The following RTL4 variants were observed in gnomAD, a reference collection of about 807,000 sequenced individuals.
The protein encoded by RTL4 is retrotransposon Gag like 4, also known as retrotransposon Gag-like protein 4.
Under a neutral mutation model 5.3 loss-of-function variants are expected in RTL4, and 4 were observed. The observed-to-expected ratio is 0.75, with a 90% CI of 0.37 to 1.72. RTL4 has a LOEUF of 1.72. Among genes scored for constraint, RTL4 ranks in the 40% most tolerant of loss-of-function variants. RTL4 has a pLI of 0.04. For missense variants in RTL4, 260 were observed against 227.1 expected, an observed-to-expected ratio of 1.14 and a Z score of -0.93; for synonymous variants, 98 against 87.3, an observed-to-expected ratio of 1.12 and a Z score of -0.68.
chrX:112,190,200 C>CTTTCTTTT, the RTL4 span, among the ~76,000 whole-genome samples: 1 of 79,703 alleles, frequency 1.3e-5, no homozygotes, highest in African/African-American at 5.0e-5. Context: ...TTCTTTCTTT[C>CTTTCTTTT]TTTCTTTTTT....
At chrX:112,409,935 G>T in the RTL4 span, among the ~76,000 whole-genome samples, 2 of 101,263 alleles carry the variant, frequency 2.0e-5, no homozygotes, top group Admixed American at 2.1e-4. Flanking sequence ...TAAAGTGGAT[G>T]AATGAATTAA....
At chrX:112,107,355 A>G in the RTL4 span, among the ~76,000 whole-genome samples, 1 of 112,221 alleles carries the variant, frequency 8.9e-6, no homozygotes, top group South Asian at 3.6e-4. Flanking sequence ...TTTTCACACC[A>G]TTATTAGAGT....
the RTL4 span, among the ~76,000 whole-genome samples, chrX:112,384,762 T>C: frequency 8.9e-6 from 1 of 112,030 alleles, no homozygotes; most frequent in Non-Finnish European, 1.9e-5. Context: ...ACTGGTAGCT[T>C]GATGGGACTA....
chrX:112,415,555 A>G, the RTL4 span, among the ~76,000 whole-genome samples: 4 of 111,231 alleles, frequency 3.6e-5, no homozygotes, highest in Admixed American at 2.9e-4. Flanking sequence ...AAGTTGTTGT[A>G]TACGTTAGAA....
At chrX:112,155,375 G>C in the RTL4 span, among the ~76,000 whole-genome samples, 1 of 111,310 alleles carries the variant, frequency 9.0e-6, no homozygotes, top group Non-Finnish European at 1.9e-5. Flanking sequence ...AATTGCCACT[G>C]ATTGTTTTCA....
At chrX:112,136,259 A>G in the RTL4 span, among the ~76,000 whole-genome samples, 1 of 111,770 alleles carries the variant, frequency 8.9e-6, no homozygotes, top group African/African-American at 3.2e-5. Flanking sequence ...ATATAAGATT[A>G]TTTCATCTAT....
chrX:112,137,165 CA>C, the RTL4 span, among the ~76,000 whole-genome samples: 5 of 111,360 alleles, frequency 4.5e-5, no homozygotes, highest in Non-Finnish European at 9.4e-5. Context: ...AAGAAACCCA[CA>C]AATACTTGTA....
At chrX:112,185,059 T>C in the RTL4 span, among the ~76,000 whole-genome samples, 2 of 110,907 alleles carry the variant, frequency 1.8e-5, no homozygotes, top group African/African-American at 6.6e-5. Flanking sequence ...TCATATCATA[T>C]CAGAGAGAGG....
At position 112,454,579 on chromosome X, in the gene RTL4, A is replaced by G. The variant is rs535432907; in HGVS notation, c.-150A>G. On this transcript the variant is annotated 5_prime_UTR_variant, in exon 1 of 1. It removes the in-frame stop codon of an upstream open reading frame in the 5' UTR. Transcript: ENST00000340433. ...TTGGCATCTCTCCAATTCAGCTGTT[A>G]GCATCTCCTAGTGTCTTCTTCACAG... The G allele has an allele frequency of 2.0e-6, 1 of 495,886 alleles. No homozygotes were observed. Among genetic ancestry groups the G allele is most frequent in the African/African-American group, 2.4e-5 (1 of 42,405 alleles). 40.9% of individuals were successfully genotyped at this position (495,886 alleles called of 1,213,427 possible).
chrX:112,344,712 A>C, the RTL4 span, among the ~76,000 whole-genome samples: 1 of 111,918 alleles, frequency 8.9e-6, no homozygotes, highest in Non-Finnish European at 1.9e-5. Context: ...TTATTCACAA[A>C]ATTGGCAATT....
chrX:112,274,270 G>A, the RTL4 span, among the ~76,000 whole-genome samples: 2 of 111,645 alleles, frequency 1.8e-5, no homozygotes, highest in South Asian at 3.8e-4. Flanking sequence ...TGAATTGGAT[G>A]TGAGATATAT....
the RTL4 span, among the ~76,000 whole-genome samples, chrX:112,149,395 G>A: frequency 8.9e-6 from 1 of 111,868 alleles, no homozygotes; most frequent in African/African-American, 3.3e-5. Context: ...AGTATCTTAA[G>A]TGACAAAGTT....
chrX:112,395,149 C>G, the RTL4 span, among the ~76,000 whole-genome samples: 1 of 111,455 alleles, frequency 9.0e-6, no homozygotes, highest in Non-Finnish European at 1.9e-5. Flanking sequence ...CTGATGTTAG[C>G]CAAACAGAAA....
At chrX:112,331,722 G>A in the RTL4 span, among the ~76,000 whole-genome samples, 3 of 100,251 alleles carry the variant, frequency 3.0e-5, no homozygotes, top group Admixed American at 2.2e-4. Flanking sequence ...TGTTTATTGC[G>A]GCATTATTCA....
At chrX:112,439,212 AAC>A in the RTL4 span, among the ~76,000 whole-genome samples, 1 of 111,498 alleles carries the variant, frequency 9.0e-6, no homozygotes, top group Non-Finnish European at 1.9e-5. Context: ...GGGGAGCTGG[AAC>A]ACAGTCTTGC....
the RTL4 span, among the ~76,000 whole-genome samples, chrX:112,258,424 C>A: frequency 9.0e-6 from 1 of 111,173 alleles, no homozygotes; most frequent in Non-Finnish European, 1.9e-5. Context: ...ACCTTCTGCT[C>A]AATTTTGCTG....
chrX:112,233,220 C>T, the RTL4 span, among the ~76,000 whole-genome samples: 1 of 112,098 alleles, frequency 8.9e-6, no homozygotes, highest in African/African-American at 3.2e-5. Flanking sequence ...CATAGCTGAG[C>T]ATGTGGCAGA....
At chrX:112,189,787 T>C in the RTL4 span, among the ~76,000 whole-genome samples, 1,940 of 110,715 alleles carry the variant, frequency 0.018, 48 homozygotes, top group African/African-American at 0.06. Context: ...AAATAGCTTT[T>C]ATAACTGTGG....
chrX:112,192,347 G>T, the RTL4 span, among the ~76,000 whole-genome samples: 2 of 110,438 alleles, frequency 1.8e-5, no homozygotes, highest in East Asian at 5.7e-4. Context: ...AATCTTAGGG[G>T]AAAAGCTTTT....
Sources: allele counts gnomAD v4.1 joint callset (sites outside exome capture counted in the v4.1 genomes callset), GRCh38; gene constraint gnomAD v4.1.1; transcripts MANE v1.5; gene names NCBI Gene and HGNC (gene_info 2026-07-23, HGNC 2026-07-21).